Variants in AP3B2 observed in about 807,000 individuals in gnomAD.
AP3B2 encodes the protein adaptor related protein complex 3 subunit beta 2.
AP3B2 carries 50 observed loss-of-function variants against 126.9 expected under a neutral mutation model. That is an observed-to-expected ratio of 0.39 (90% CI 0.31 to 0.50). The LOEUF is 0.50. Ranked by LOEUF, AP3B2 falls within the 20% of genes least tolerant of loss-of-function variation. AP3B2 has a pLI of 0.79. For missense variants in AP3B2, 1,177 were observed against 1,426.4 expected (o/e 0.83, Z 2.82); for synonymous variants, 541 against 565.0 (o/e 0.96, Z 0.60).
Position 82,689,360 on chromosome 15 carries a change from T to G in AP3B2, c.189+18A>C. The G allele has an allele frequency of 1.2e-6, 2 of 1,613,490 alleles. No individual in the cohort carries two copies. The highest frequency in any genetic ancestry group is 2.2e-5 in the South Asian group (2 of 91,014). The stretch of plus-strand genomic sequence containing the variant: ...CCCAGGCCCCGCCCGGAGGGAGGCC[T>G]CCTCCTTCCCCTCTTACCGCCACAA... On this transcript the variant is annotated intron_variant, in intron 2 of 26. Coordinates refer to ENST00000535359, the MANE Select transcript of AP3B2 (RefSeq NM_001278512.2).
At chr15:82,677,648 TAG>T in intron 12 of AP3B2, 21 bp downstream of exon 12, 1 of 1,510,632 alleles carries the variant, frequency 6.6e-7, no homozygotes. Context: ...TCATCACGGT[TAG>T]ACACTCAGGG....
chr15:82,694,982 A>T (rs2151455757), intron 1 of AP3B2, among the ~76,000 whole-genome samples: 1 of 152,138 alleles, frequency 6.6e-6, no homozygotes, highest in East Asian at 1.9e-4. Flanking sequence ...AGATCCTAAG[A>T]CCTTTATAAC....
At position 82,689,402 on chromosome 15, in the gene AP3B2, C is replaced by T. The variant is rs2048485872; in HGVS notation, c.165G>A (p.Leu55=). 1 of 1,613,956 alleles carries T rather than the reference C, an allele frequency of 6.2e-7. No homozygotes were observed. The highest frequency in any genetic ancestry group is 8.5e-7 in the Non-Finnish European group (1 of 1,179,880). ...MLDTNKDSLK[L]EAMKRIVAMI... ...CCGCCACAATCCTCTTCATGGCCTC[C>T]AGCTTGAGAGAATCCTTGTTGGTGT... Residue 55 remains leucine (L), a synonymous_variant, in exon 2 of 27, where the codon CTG becomes CTA. Coordinates refer to ENST00000535359, the MANE Select transcript of AP3B2 (RefSeq NM_001278512.2).
rs767231622 is a variant in AP3B2, at chr15:82,681,252, C to T, written c.522-74G>A. ...TCCCAATATCTGTCCAAGCCATGCTCACCTCCTGCACCCCAGCCTTATTGT... is the reference window on the plus strand; with the variant it reads ...TCCCAATATCTGTCCAAGCCATGCTTACCTCCTGCACCCCAGCCTTATTGT... On this transcript the variant is annotated intron_variant, in intron 5 of 26. Coordinates refer to ENST00000535359, the MANE Select transcript of AP3B2 (RefSeq NM_001278512.2). The surrounding 1 kb of genome is among the most constrained non-coding windows in gnomAD (Gnocchi z 4.0). The T allele has an allele frequency of 5.7e-5, 88 of 1,538,108 alleles. No homozygotes were observed. Among genetic ancestry groups the T allele is most frequent in the Non-Finnish European group, 7.6e-5 (86 of 1,130,900 alleles).
At chr15:82,679,568 A>C (rs956070340) in intron 10 of AP3B2, among the ~76,000 whole-genome samples, 161 bp downstream of exon 10, 3 of 152,138 alleles carry the variant, frequency 2.0e-5, no homozygotes, top group African/African-American at 7.2e-5. Context: ...GACCCTCCTT[A>C]GCCCAGCTCC....
At chr15:82,695,460 T>C (rs2048616829) in intron 1 of AP3B2, among the ~76,000 whole-genome samples, 1 of 152,120 alleles carries the variant, frequency 6.6e-6, no homozygotes, top group Non-Finnish European at 1.5e-5. Flanking sequence ...GGGCTGATGG[T>C]TGAGTTGATC....
At chr15:82,666,687 A>T in intron 15 of AP3B2, 60 bp downstream of exon 15, 1 of 1,556,058 alleles carries the variant, frequency 6.4e-7, no homozygotes, top group Non-Finnish European at 8.7e-7. Context: ...TCTGGGGCAG[A>T]GACTCTGGCC....
chr15:82,701,153 A>G (rs1385822647), intron 1 of AP3B2, among the ~76,000 whole-genome samples: 2 of 152,054 alleles, frequency 1.3e-5, no homozygotes, highest in Non-Finnish European at 2.9e-5. Context: ...GAGCCACTGT[A>G]CCCAGTCTCC....
rs147811093 is a variant in AP3B2, at chr15:82,690,642, CTTTTTTTTTTT to C, written c.114-1200_114-1190del. 7.3e-5 allele frequency among the ~76,000 whole-genome samples: 5 copies of C among 68,908 alleles called. No individual in the cohort carries two copies. The South Asian group carries it at 2.3e-3, about 32-fold the overall frequency. The allele number at this position is 68,908 out of a possible 152,430, so 45.2% of individuals were successfully genotyped here. ...TGTATATGTGCCACATTTTCTTCTT[CTTTTTTTTTTT>C]TTTTTTTTTTTTTTTTGTGAGATGG... is the stretch of plus-strand genomic sequence containing the variant. On this transcript the variant is annotated intron_variant, in intron 1 of 26. Transcript: ENST00000535359.
intron 14 of AP3B2, among the ~76,000 whole-genome samples, chr15:82,670,478 C>T (rs993010667): frequency 2.6e-5 from 4 of 152,104 alleles, no homozygotes; most frequent in Admixed American, 2.6e-4. Context: ...CAATAAATGG[C>T]GCTGGGAAAA....
In AP3B2 at chr15:82,670,171, G is replaced by A. The variant is rs551862195; in HGVS notation, c.1666-3238C>T. Among the ~76,000 whole-genome samples, 242 of 141,260 alleles carry A rather than the reference G, an allele frequency of 1.7e-3. 3 individuals carry two copies. The highest frequency in any genetic ancestry group is 8.4e-3 in the South Asian group (35 of 4,148). 92.7% of individuals were successfully genotyped at this position (141,260 alleles called of 152,430 possible). On this transcript the variant is annotated intron_variant, in intron 14 of 26. Transcript: ENST00000535359. The stretch of plus-strand genomic sequence containing the variant: ...GTCCCCTAGGCTGGAGTGCAGTGGC[G>A]CGATCTTGGCTCACTGCAACCTCCG...
chr15:82,659,694 G>C lies in AP3B2; in HGVS notation c.3172C>G (p.Leu1058Val), dbSNP rs1469799972. The C allele has an allele frequency of 1.2e-6, 2 of 1,613,888 alleles. No individual in the cohort carries two copies. The highest frequency in any genetic ancestry group is 1.3e-5 in the African/African-American group (1 of 75,044). Reference protein sequence around the residue: ...SDEYRFAGRTLTGGSLVLLTL... With the variant: ...SDEYRFAGRTVTGGSLVLLTL... Reference sequence around the variant, plus strand: ...AGCAGAACGAGGCTTCCACCAGTCAGTGTCCTCCCTGCAAACCTGAGGTGG... The same window carrying C: ...AGCAGAACGAGGCTTCCACCAGTCACTGTCCTCCCTGCAAACCTGAGGTGG... Residue 1058 changes from leucine to valine, a missense_variant, in exon 27 of 27, where the codon CTG becomes GTG. By Grantham distance (32) the Leu-to-Val change is conservative (BLOSUM62 1). Around this residue, in one of 5 missense-constraint regions of AP3B2, gnomAD observed 587 missense variants for 571.3 expected, o/e 1.03. Coordinates refer to ENST00000535359, the MANE Select transcript of AP3B2 (RefSeq NM_001278512.2).
intron 1 of AP3B2, among the ~76,000 whole-genome samples, chr15:82,704,910 C>A (rs747446751): frequency 2.0e-5 from 3 of 152,170 alleles, no homozygotes; most frequent in South Asian, 2.1e-4. Context: ...GATGGCCAGG[C>A]TTCTAAACCT....
intron 4 of AP3B2, among the ~76,000 whole-genome samples, chr15:82,684,045 G>C (rs1212698282): frequency 1.3e-5 from 2 of 152,192 alleles, no homozygotes; most frequent in African/African-American, 4.8e-5. Flanking sequence ...GAGGAGATCT[G>C]CCATAATTCT....
Position 82,665,228 on chromosome 15 carries a change from C to T in AP3B2, c.2028+19G>A, listed in dbSNP as rs746722125. ...CAGACAGGGCAGGGGAGAGAGCACA[C>T]GTCACACGAAGGTGGGACCTCAGTG... On this transcript the variant is annotated intron_variant, in intron 17 of 26. Coordinates refer to ENST00000535359, the MANE Select transcript of AP3B2 (RefSeq NM_001278512.2). The surrounding 1 kb of genome is among the most constrained non-coding windows in gnomAD (Gnocchi z 4.4). 175 of 1,535,928 alleles carry T rather than the reference C, an allele frequency of 1.1e-4. No homozygotes were observed. Among genetic ancestry groups the T allele is most frequent in the Middle Eastern group, 3.3e-4 (2 of 6,010 alleles).
chr15:82,690,861 T>C (rs564680504), intron 1 of AP3B2, among the ~76,000 whole-genome samples: 38 of 152,128 alleles, frequency 2.5e-4, no homozygotes, highest in Non-Finnish European at 5.0e-4. Flanking sequence ...TTTCACCGTG[T>C]TAGCCAGGAT....
intron 1 of AP3B2, chr15:82,699,279 G>A (rs1596196870): frequency 5.8e-6 from 1 of 173,184 alleles, no homozygotes; most frequent in East Asian, 1.6e-4. Flanking sequence ...GGCAGGCAGT[G>A]GCTGGCCAAA....
At chr15:82,693,508 A>C (rs1195229150) in intron 1 of AP3B2, among the ~76,000 whole-genome samples, 2 of 151,864 alleles carry the variant, frequency 1.3e-5, no homozygotes, top group Non-Finnish European at 2.9e-5. Flanking sequence ...CATCCTCCCA[A>C]AGCGCTGAGA....
intron 1 of AP3B2, among the ~76,000 whole-genome samples, chr15:82,708,620 C>T (rs955766705): frequency 3.9e-5 from 6 of 152,162 alleles, no homozygotes; most frequent in African/African-American, 1.2e-4. Flanking sequence ...AGCAGCCTGA[C>T]GTCCTTCTAA....
Sources: gnomAD v4.1 joint callset for allele counts (sites outside exome capture counted in the v4.1 genomes callset) on GRCh38, gnomAD v4.1.1 for gene constraint, gnomAD v4.1.1 regional missense constraint, Gnocchi (gnomAD v3.1) non-coding constraint, MANE v1.5 for transcripts, NCBI Gene and HGNC (gene_info 2026-07-23, HGNC 2026-07-21) for gene names.